The following TMEM132D variants were observed in gnomAD, a reference collection of about 807,000 sequenced individuals.
TMEM132D encodes transmembrane protein 132D.
A neutral mutation model predicts 62.3 loss-of-function variants in TMEM132D; 21 were observed. The observed-to-expected ratio is 0.34, with a 90% CI of 0.24 to 0.49. The LOEUF (loss-of-function observed/expected upper bound fraction) is 0.49. Among genes scored for constraint, TMEM132D ranks in the 20% least tolerant of loss-of-function variants. TMEM132D has a pLI of 0.99. For missense variants in TMEM132D, 1,346 were observed against 1,402.8 expected (o/e 0.96, Z 0.65); for synonymous variants, 621 against 575.6 (o/e 1.08, Z -1.13).
chr12:129,897,006 G>A (rs914575803), intron 1 of TMEM132D, among the ~76,000 whole-genome samples: 1 of 152,190 alleles, frequency 6.6e-6, no homozygotes, highest in Non-Finnish European at 1.5e-5. Flanking sequence ...AATTTATGGA[G>A]GGGGTGCACC....
intron 3 of TMEM132D, among the ~76,000 whole-genome samples, chr12:129,466,544 TAAC>T (rs1169397495): frequency 2.6e-5 from 4 of 152,142 alleles, no homozygotes; most frequent in Admixed American, 2.6e-4. Context: ...TTGCTCCTCA[TAAC>T]AACTGTTATG....
At chr12:129,692,866 G>A (rs1220814398) in intron 2 of TMEM132D, among the ~76,000 whole-genome samples, 1 of 152,000 alleles carries the variant, frequency 6.6e-6, no homozygotes, top group Non-Finnish European at 1.5e-5. Flanking sequence ...AGTGGGGGGA[G>A]AGCATTAAGA....
chr12:129,314,880 T>G (rs933284774), intron 4 of TMEM132D, among the ~76,000 whole-genome samples: 1 of 151,986 alleles, frequency 6.6e-6, no homozygotes, highest in Non-Finnish European at 1.5e-5. Flanking sequence ...TATTTATTTA[T>G]TTATCTATCT....
At chr12:129,699,645 C>T (rs995319130) in intron 2 of TMEM132D, among the ~76,000 whole-genome samples, 165 bp downstream of exon 2, 6 of 152,194 alleles carry the variant, frequency 3.9e-5, no homozygotes, top group Admixed American at 2.0e-4. Context: ...CAACCCGGAA[C>T]GATCAGACTG....
intron 1 of TMEM132D, among the ~76,000 whole-genome samples, chr12:129,819,179 G>C (rs919327134): frequency 6.6e-6 from 1 of 152,040 alleles, no homozygotes; most frequent in Non-Finnish European, 1.5e-5. Context: ...CACGCGCTTA[G>C]AGTGGAAATT....
intron 2 of TMEM132D, among the ~76,000 whole-genome samples, chr12:129,644,195 C>T (rs1457784104): frequency 6.6e-6 from 1 of 152,106 alleles, no homozygotes; most frequent in Non-Finnish European, 1.5e-5. Context: ...CCAAGCTGTG[C>T]CCCAACCACC....
intron 2 of TMEM132D, among the ~76,000 whole-genome samples, chr12:129,532,864 T>C (rs991059847): frequency 2.0e-5 from 3 of 152,194 alleles, no homozygotes; most frequent in Admixed American, 6.5e-5. Context: ...ATTAAGCACA[T>C]CCTGCGTGAC....
chr12:129,491,190 G>A (rs1406282161), intron 3 of TMEM132D, among the ~76,000 whole-genome samples: 1 of 152,168 alleles, frequency 6.6e-6, no homozygotes, highest in Non-Finnish European at 1.5e-5. Context: ...TTCATGATGA[G>A]CGCTGAAAAG....
intron 3 of TMEM132D, among the ~76,000 whole-genome samples, chr12:129,374,771 C>A (rs1230801109): frequency 6.6e-6 from 1 of 152,152 alleles, no homozygotes; most frequent in Non-Finnish European, 1.5e-5. Flanking sequence ...ACGTATATAA[C>A]CTGCAGACCC....
At chr12:129,467,593 G>T (rs1873952509) in intron 3 of TMEM132D, among the ~76,000 whole-genome samples, 1 of 152,180 alleles carries the variant, frequency 6.6e-6, no homozygotes, top group Non-Finnish European at 1.5e-5. Context: ...AGGCTCCTCT[G>T]CACCCTCGGG....
intron 2 of TMEM132D, among the ~76,000 whole-genome samples, chr12:129,533,990 G>C (rs915852899): frequency 1.3e-5 from 2 of 152,158 alleles, no homozygotes; most frequent in African/African-American, 2.4e-5. Flanking sequence ...GTGTGTGTTG[G>C]GTTAATAATT....
intron 2 of TMEM132D, among the ~76,000 whole-genome samples, chr12:129,686,924 G>A (rs1034459747): frequency 5.9e-5 from 9 of 152,152 alleles, no homozygotes; most frequent in Admixed American, 3.9e-4. Flanking sequence ...GTTTCTACAC[G>A]CTTTTCGGGT....
At chr12:129,127,083 T>C (rs772988520) in intron 5 of TMEM132D, among the ~76,000 whole-genome samples, 3 of 152,222 alleles carry the variant, frequency 2.0e-5, no homozygotes, top group Non-Finnish European at 2.9e-5. Context: ...CCACCACTCA[T>C]GCAGTCTGAG....
At chr12:129,465,648 A>C (rs1219381655) in intron 3 of TMEM132D, among the ~76,000 whole-genome samples, 1 of 152,214 alleles carries the variant, frequency 6.6e-6, no homozygotes, top group Non-Finnish European at 1.5e-5. Flanking sequence ...CTTATACACC[A>C]ATAACAGACA....
intron 3 of TMEM132D, among the ~76,000 whole-genome samples, chr12:129,391,830 C>A (rs944473240): frequency 1.3e-5 from 2 of 152,106 alleles, no homozygotes; most frequent in African/African-American, 4.8e-5. Context: ...TATCTTGGCT[C>A]ACTGCAATCT....
intron 3 of TMEM132D, among the ~76,000 whole-genome samples, chr12:129,434,382 G>T (rs1373747129): frequency 6.6e-6 from 1 of 152,218 alleles, no homozygotes; most frequent in East Asian, 1.9e-4. Context: ...ATATGGACGA[G>T]TTACTTAAAA....
At chr12:129,724,535 G>A (rs922536156) in intron 1 of TMEM132D, among the ~76,000 whole-genome samples, 1 of 152,014 alleles carries the variant, frequency 6.6e-6, no homozygotes, top group Non-Finnish European at 1.5e-5. Context: ...TTTTGTTTTT[G>A]TTTTGAGATG....
chr12:129,531,354 G>A lies in TMEM132D; in HGVS notation c.969-149C>T, dbSNP rs185927203. 157 of 911,276 alleles carry A rather than the reference G, an allele frequency of 1.7e-4. 1 individual carries two copies. The Admixed American group carries it at 3.5e-3, about 21-fold the overall frequency. 56.4% of individuals were successfully genotyped at this position (911,276 alleles called of 1,614,324 possible). On this transcript the variant is annotated intron_variant, in intron 2 of 8. Coordinates refer to ENST00000422113, the MANE Select transcript of TMEM132D (RefSeq NM_133448.3). ...AGGATTTAAACACAAATTTGCAGTC[G>A]CCTTCCAACCCATCTGCCCTAATTT...
At chr12:129,900,013 A>G (rs191770358) in intron 1 of TMEM132D, among the ~76,000 whole-genome samples, 4 of 152,268 alleles carry the variant, frequency 2.6e-5, no homozygotes, top group Non-Finnish European at 5.9e-5. Flanking sequence ...TCCTACCCAG[A>G]AGCTTCACTC....
Sources: allele counts gnomAD v4.1 joint callset (sites outside exome capture counted in the v4.1 genomes callset), GRCh38; gene constraint gnomAD v4.1.1; transcripts MANE v1.5; gene names NCBI Gene and HGNC (gene_info 2026-07-23, HGNC 2026-07-21).